The following ABR variants were observed in gnomAD, a reference collection of about 807,000 sequenced individuals.
ABR encodes active breakpoint cluster region-related protein.
Under a neutral mutation model 107.2 loss-of-function variants are expected in ABR, and 35 were observed. The ratio of observed to expected loss-of-function variants is 0.33; its 90% CI spans 0.25 to 0.43. The LOEUF (loss-of-function observed/expected upper bound fraction) is 0.43. Ranked by LOEUF, ABR falls within the 20% of genes least tolerant of loss-of-function variation. The pLI is 1.00. For missense variants in ABR, 815 were observed against 1,115.2 expected, an observed-to-expected ratio of 0.73 and a Z score of 3.83; for synonymous variants, 498 against 462.0, an observed-to-expected ratio of 1.08 and a Z score of -1.00.
chr17:1,054,599 G>T lies in ABR; in HGVS notation c.1561+1436C>A. 4.0e-5 allele frequency among the ~76,000 whole-genome samples: 2 copies of T among 49,810 alleles called. 1 individual carries two copies. The highest frequency in any genetic ancestry group is 7.6e-5 in the Non-Finnish European group (2 of 26,392). The allele number at this position is 49,810 out of a possible 152,430, so 32.7% of individuals were successfully genotyped here. ...GGATGGGGGCACAAGGAACCTGAGG[G>T]GATGGGGGCACAAGGAACCTCAGGG... is the stretch of plus-strand genomic sequence containing the variant. On this transcript the variant is annotated intron_variant, in intron 14 of 22. Transcript: ENST00000302538.
At chr17:1,060,468 A>C (rs1179986509) in intron 10 of ABR, among the ~76,000 whole-genome samples, 1 of 152,190 alleles carries the variant, frequency 6.6e-6, no homozygotes, top group Non-Finnish European at 1.5e-5. Flanking sequence ...CTGTGGAGTA[A>C]AATGCTGAAG....
intron 11 of ABR, 91 bp from the exon 12 acceptor site, chr17:1,058,136 CT>C (rs71148422): frequency 0.038 from 11,891 of 313,304 alleles, no homozygotes; most frequent in Middle Eastern, 0.049. Flanking sequence ...CTCCTTTTAT[CT>C]TTTTTTTTTT....
intron 1 of ABR, among the ~76,000 whole-genome samples, chr17:1,162,803 G>C (rs542657962): frequency 1.4e-4 from 22 of 151,922 alleles, no homozygotes; most frequent in South Asian, 4.2e-4. Flanking sequence ...GCCAAGCACA[G>C]TGGCTCACAC....
At chr17:1,043,903 C>T (rs1034185084) in intron 16 of ABR, among the ~76,000 whole-genome samples, 3 of 152,032 alleles carry the variant, frequency 2.0e-5, no homozygotes, top group East Asian at 1.9e-4. Flanking sequence ...GACGCAGGGC[C>T]GGGGGGCGGG....
intron 2 of ABR, among the ~76,000 whole-genome samples, chr17:1,102,715 G>A (rs929374277): frequency 3.3e-5 from 5 of 152,098 alleles, no homozygotes; most frequent in Admixed American, 2.0e-4. Flanking sequence ...ATTTATTTAT[G>A]TATTTACTTA....
chr17:1,013,820 C>G (rs1325407263), intron 16 of ABR, among the ~76,000 whole-genome samples: 1 of 152,196 alleles, frequency 6.6e-6, no homozygotes, highest in Non-Finnish European at 1.5e-5. Context: ...TCCCCAGGCT[C>G]GGGCTGGAGC....
intron 1 of ABR, among the ~76,000 whole-genome samples, chr17:1,214,661 C>T (rs1167705503): frequency 2.6e-5 from 4 of 151,776 alleles, no homozygotes; most frequent in African/African-American, 4.8e-5. Context: ...ATTAGCCAGG[C>T]GTAGTGGCAC....
intron 6 of ABR, among the ~76,000 whole-genome samples, chr17:1,075,906 G>A (rs372196969): frequency 6.6e-6 from 1 of 152,178 alleles, no homozygotes; most frequent in African/African-American, 2.4e-5. Context: ...GCCAGGTGTG[G>A]TGGCAGGCGC....
chr17:1,115,964 C>T (rs995406618), intron 2 of ABR, among the ~76,000 whole-genome samples: 36 of 149,112 alleles, frequency 2.4e-4, no homozygotes, highest in Admixed American at 2.0e-3. Flanking sequence ...AGGTGGCTCA[C>T]GCCTGTAATC....
chr17:1,136,892 AT>A (rs2040086630), intron 1 of ABR, among the ~76,000 whole-genome samples: 1 of 152,086 alleles, frequency 6.6e-6, no homozygotes, highest in African/African-American at 2.4e-5. Flanking sequence ...AGCACTTTGA[AT>A]TTCCTTAAAA....
chr17:1,219,909 G>T (rs1224755104), intron 1 of ABR, among the ~76,000 whole-genome samples: 1 of 151,742 alleles, frequency 6.6e-6, no homozygotes, highest in Non-Finnish European at 1.5e-5. Flanking sequence ...ACGTGACAGC[G>T]TAGGTAAAGC....
At chr17:1,097,769 A>G (rs2037572399) in intron 3 of ABR, among the ~76,000 whole-genome samples, 1 of 152,124 alleles carries the variant, frequency 6.6e-6, no homozygotes, top group Non-Finnish European at 1.5e-5. Flanking sequence ...CCTCTGTCTG[A>G]ACTCCTTTCA....
At chr17:1,085,651 G>T (rs894070235) in intron 4 of ABR, among the ~76,000 whole-genome samples, 1 of 152,194 alleles carries the variant, frequency 6.6e-6, no homozygotes, top group African/African-American at 2.4e-5. Context: ...AAGCACCTGA[G>T]ATACGGCCGG....
chr17:1,078,881 G>A lies in ABR; in HGVS notation c.700+449C>T, dbSNP rs1285280949. 4 of 1,535,428 alleles carry A rather than the reference G, an allele frequency of 2.6e-6. No individual in the cohort carries two copies. Among genetic ancestry groups the A allele is most frequent in the Middle Eastern group, 1.7e-4 (1 of 5,990 alleles). On this transcript the variant is annotated intron_variant, in intron 6 of 22. Transcript: ENST00000302538. The surrounding 1 kb of genome is among the most constrained non-coding windows in gnomAD (Gnocchi z 7.5). ...CCATGGCAGCCTCTGTCCCCGCGGCGGGAGCGTGCAGCCATCGCTCCAGGC... is the reference window on the plus strand; with the variant it reads ...CCATGGCAGCCTCTGTCCCCGCGGCAGGAGCGTGCAGCCATCGCTCCAGGC...
chr17:1,042,428 C>T (rs2030729600), intron 16 of ABR, among the ~76,000 whole-genome samples: 1 of 151,196 alleles, frequency 6.6e-6, no homozygotes, highest in Non-Finnish European at 1.5e-5. Context: ...ATGGCAGCTA[C>T]ATCCACAGAT....
intron 14 of ABR, among the ~76,000 whole-genome samples, chr17:1,054,349 G>A (rs557748046): frequency 1.3e-5 from 2 of 152,192 alleles, no homozygotes; most frequent in Non-Finnish European, 2.9e-5. Context: ...CAGGGTAAAG[G>A]AGACCTGGTT....
In ABR at chr17:1,011,068, C is replaced by T; in HGVS notation, c.2102-205G>A. On this transcript the variant is annotated intron_variant, in intron 19 of 22. Coordinates refer to ENST00000302538, the MANE Select transcript of ABR (RefSeq NM_021962.5). The surrounding 1 kb of genome is among the most constrained non-coding windows in gnomAD (Gnocchi z 4.8). ...GGAACAGGGAGAGATAGCCTGGGGGCCATCTGCTGTGGCTGCTTGGGAAAG... is the reference window on the plus strand; with the variant it reads ...GGAACAGGGAGAGATAGCCTGGGGGTCATCTGCTGTGGCTGCTTGGGAAAG... 1 of 615,860 alleles carries T rather than the reference C, an allele frequency of 1.6e-6. No individual in the cohort carries two copies. The highest frequency in any genetic ancestry group is 2.8e-6 in the Non-Finnish European group (1 of 356,618). 38.1% of individuals were successfully genotyped at this position (615,860 alleles called of 1,614,324 possible).
chr17:1,083,237 G>A (rs2036375142), intron 5 of ABR: 2 of 181,440 alleles, frequency 1.1e-5, no homozygotes, highest in African/African-American at 4.8e-5. Flanking sequence ...TCACCATAGT[G>A]TGGTGTGGGA....
intron 1 of ABR, among the ~76,000 whole-genome samples, chr17:1,201,586 C>T (rs745468138): frequency 4.6e-5 from 7 of 152,116 alleles, no homozygotes; most frequent in Non-Finnish European, 7.3e-5. Context: ...CGATATTGTG[C>T]GTGGTGTGAA....
Sources: gnomAD v4.1 joint callset for allele counts (sites outside exome capture counted in the v4.1 genomes callset) on GRCh38, gnomAD v4.1.1 for gene constraint, Gnocchi (gnomAD v3.1) non-coding constraint, MANE v1.5 for transcripts, NCBI Gene and HGNC (gene_info 2026-07-23, HGNC 2026-07-21) for gene names.